The following CTNNA2 variants were observed in gnomAD, a reference collection of about 807,000 sequenced individuals.
The protein encoded by CTNNA2 is catenin alpha 2.
Under a neutral mutation model 101.0 loss-of-function variants are expected in CTNNA2, and 42 were observed. That is an observed-to-expected ratio of 0.42 (90% CI 0.32 to 0.54). The LOEUF is 0.54. Among genes scored for constraint, CTNNA2 ranks in the 20% least tolerant of loss-of-function variants. CTNNA2 has a pLI of 0.14. For missense variants in CTNNA2, 871 were observed against 1,223.1 expected, an observed-to-expected ratio of 0.71 and a Z score of 4.29; for synonymous variants, 450 against 456.4, an observed-to-expected ratio of 0.99 and a Z score of 0.18.
chr2:79,863,472 A>G (rs550062828), intron 4 of CTNNA2, among the ~76,000 whole-genome samples: 1 of 152,280 alleles, frequency 6.6e-6, no homozygotes, highest in East Asian at 1.9e-4. Context: ...TCTCAAGTCC[A>G]AGCTGGGGGC....
intron 9 of CTNNA2, among the ~76,000 whole-genome samples, chr2:80,459,668 C>A (rs1684265755): frequency 6.6e-6 from 1 of 152,122 alleles, no homozygotes; most frequent in Admixed American, 6.5e-5. Context: ...TCCCAGGACA[C>A]CCCACACAGA....
chr2:79,723,379 A>G (rs1235041459), intron 2 of CTNNA2, among the ~76,000 whole-genome samples: 3 of 152,230 alleles, frequency 2.0e-5, no homozygotes, highest in Non-Finnish European at 4.4e-5. Flanking sequence ...CCCTACTGGT[A>G]TCAGTGTAGC....
intron 2 of CTNNA2, among the ~76,000 whole-genome samples, chr2:79,258,845 C>CAAAAA (rs869066159): frequency 7.7e-5 from 7 of 91,400 alleles, no homozygotes; most frequent in African/African-American, 2.3e-4. Flanking sequence ...AATCCTCTAC[C>CAAAAA]AAAAAAAAAA....
intron 2 of CTNNA2, among the ~76,000 whole-genome samples, chr2:79,666,545 C>T (rs374172760): frequency 1.1e-4 from 16 of 152,146 alleles, no homozygotes; most frequent in African/African-American, 3.4e-4. Flanking sequence ...CATTGTAGTT[C>T]GTGTGTGCTT....
upstream of CTNNA2, among the ~76,000 whole-genome samples, chr2:79,509,515 C>T (rs1671489728): frequency 6.6e-6 from 1 of 152,120 alleles, no homozygotes; most frequent in African/African-American, 2.4e-5. Flanking sequence ...GAAAAGGCTA[C>T]ATATTGCATG....
intron 8 of CTNNA2, among the ~76,000 whole-genome samples, chr2:80,404,776 C>T (rs1317342622): frequency 6.6e-6 from 1 of 152,112 alleles, no homozygotes; most frequent in Non-Finnish European, 1.5e-5. Flanking sequence ...AAGATGGGAG[C>T]TAATTCCTTC....
At chr2:79,321,335 C>T (rs906702855) in intron 3 of CTNNA2, among the ~76,000 whole-genome samples, 2 of 152,048 alleles carry the variant, frequency 1.3e-5, no homozygotes, top group Admixed American at 6.5e-5. Flanking sequence ...GCTCCAAATG[C>T]AAGAATCTTA....
chr2:79,790,004 A>G (rs1008613209), intron 3 of CTNNA2, among the ~76,000 whole-genome samples: 2 of 152,180 alleles, frequency 1.3e-5, no homozygotes, highest in African/African-American at 4.8e-5. Flanking sequence ...AACAGATCAT[A>G]TGAATAAAGA....
chr2:79,405,663 G>A (rs1272182869), intron 4 of CTNNA2, among the ~76,000 whole-genome samples: 1 of 151,934 alleles, frequency 6.6e-6, no homozygotes, highest in African/African-American at 2.4e-5. Context: ...TTGACACAGA[G>A]TAATTGTATA....
intron 9 of CTNNA2, among the ~76,000 whole-genome samples, chr2:80,440,126 A>G (rs1682426003): frequency 6.6e-6 from 1 of 152,212 alleles, no homozygotes; most frequent in African/African-American, 2.4e-5. Flanking sequence ...AAGAGGTTAT[A>G]TTGAGAAAGT....
chr2:79,327,005 A>G (rs1433050081), intron 3 of CTNNA2, among the ~76,000 whole-genome samples: 1 of 152,166 alleles, frequency 6.6e-6, no homozygotes, highest in African/African-American at 2.4e-5. Context: ...TTTCAACACA[A>G]CAACTTCTCT....
chr2:79,829,514 G>T (rs1264028051), intron 3 of CTNNA2, among the ~76,000 whole-genome samples: 1 of 151,008 alleles, frequency 6.6e-6, no homozygotes, highest in Non-Finnish European at 1.5e-5. Flanking sequence ...AGGTTTCAGT[G>T]AGCTGAGATC....
At chr2:79,840,543 T>TA (rs1266094941) in intron 3 of CTNNA2, among the ~76,000 whole-genome samples, 7 of 152,230 alleles carry the variant, frequency 4.6e-5, no homozygotes, top group Admixed American at 1.3e-4. Flanking sequence ...ACTTTTTAAA[T>TA]GCTATTCAAT....
upstream of CTNNA2, among the ~76,000 whole-genome samples, chr2:79,511,483 C>CTT (rs1671538582): frequency 6.6e-6 from 1 of 152,178 alleles, no homozygotes; most frequent in African/African-American, 2.4e-5. Context: ...TATAGGCAGT[C>CTT]TAAGAAAAAC....
At chr2:79,584,257 A>G (rs1676328001) in intron 1 of CTNNA2, among the ~76,000 whole-genome samples, 1 of 152,174 alleles carries the variant, frequency 6.6e-6, no homozygotes, top group Non-Finnish European at 1.5e-5. Flanking sequence ...CTACCTGTTT[A>G]TCCTATGGTT....
rs200808847 is a variant in CTNNA2, at chr2:80,166,131, C to T, written c.1057-227080C>T. On this transcript the variant is annotated intron_variant, in intron 7 of 18. Coordinates refer to ENST00000402739, the MANE Select transcript of CTNNA2 (RefSeq NM_001282597.3). ...GTTCCTGGCACAGAGCTCCAAAAACCTTTGAAATTTTCTGAGTGGTAGGAG... is the reference window on the plus strand; with the variant it reads ...GTTCCTGGCACAGAGCTCCAAAAACTTTTGAAATTTTCTGAGTGGTAGGAG... Among the ~76,000 whole-genome samples, 4 of 152,168 alleles carry T rather than the reference C, an allele frequency of 2.6e-5. No individual in the cohort carries two copies. In the East Asian group the frequency reaches 7.7e-4, roughly 29 times the overall value.
At chr2:79,782,785 G>T (rs1029818234) in intron 3 of CTNNA2, among the ~76,000 whole-genome samples, 2 of 152,020 alleles carry the variant, frequency 1.3e-5, no homozygotes, top group African/African-American at 2.4e-5. Context: ...CCCTACTACC[G>T]GTCAGTTTGG....
At chr2:80,220,137 T>C (rs1816909) in intron 7 of CTNNA2, among the ~76,000 whole-genome samples, 61,422 of 152,084 alleles carry the variant, frequency 0.4, 13,700 homozygotes, top group Non-Finnish European at 0.52. Flanking sequence ...CTGACTGCAG[T>C]TCTTCCTGTA....
chr2:79,487,962 A>C (rs1475586447), intron 4 of CTNNA2, among the ~76,000 whole-genome samples: 1 of 152,140 alleles, frequency 6.6e-6, no homozygotes, highest in East Asian at 1.9e-4. Context: ...TTACGACACA[A>C]AGTGTTTAAT....
Sources: gnomAD v4.1 joint callset for allele counts (sites outside exome capture counted in the v4.1 genomes callset) on GRCh38, gnomAD v4.1.1 for gene constraint, MANE v1.5 for transcripts, NCBI Gene and HGNC (gene_info 2026-07-23, HGNC 2026-07-21) for gene names.